Variants in OSBPL1A observed in about 807,000 individuals in gnomAD.
The protein encoded by OSBPL1A is oxysterol-binding protein-related protein 1.
A neutral mutation model predicts 137.1 loss-of-function variants in OSBPL1A; 80 were observed. That is an observed-to-expected ratio of 0.58 (90% CI 0.49 to 0.70). The LOEUF (loss-of-function observed/expected upper bound fraction) is 0.70, where lower values mean the gene tolerates loss of function less well. Among genes scored for constraint, OSBPL1A ranks in the 30% least tolerant of loss-of-function variants. The pLI is 0.00. For synonymous variants in OSBPL1A, 365 were observed against 389.7 expected (o/e 0.94, Z 0.75); for missense variants, 970 against 1,129.4 (o/e 0.86, Z 2.02).
chr18:24,324,785 T>TAAAA (rs1426860005), intron 7 of OSBPL1A, among the ~76,000 whole-genome samples: 2 of 95,084 alleles, frequency 2.1e-5, no homozygotes, highest in African/African-American at 4.0e-5. Flanking sequence ...CTCTGTCTAT[T>TAAAA]AAAAAAAAAA....
intron 4 of OSBPL1A, among the ~76,000 whole-genome samples, chr18:24,361,809 C>T (rs532803992): frequency 6.6e-6 from 1 of 152,172 alleles, no homozygotes; most frequent in African/African-American, 2.4e-5. Context: ...TTGAGACCAG[C>T]CTGGCCAACC....
At chr18:24,358,757 T>G (rs890196599) in intron 4 of OSBPL1A, among the ~76,000 whole-genome samples, 1 of 152,192 alleles carries the variant, frequency 6.6e-6, no homozygotes, top group Non-Finnish European at 1.5e-5. Context: ...TTTACTATTT[T>G]AGAGACAGGG....
intron 7 of OSBPL1A, among the ~76,000 whole-genome samples, chr18:24,327,652 G>A (rs907827053): frequency 2.0e-5 from 3 of 151,750 alleles, no homozygotes; most frequent in Admixed American, 2.0e-4. Flanking sequence ...CAAATTATCC[G>A]CCTGCCTCAG....
intron 17 of OSBPL1A, among the ~76,000 whole-genome samples, chr18:24,218,980 G>A (rs1178903546): frequency 6.6e-6 from 1 of 151,982 alleles, no homozygotes; most frequent in Non-Finnish European, 1.5e-5. Context: ...AAGATAAAAT[G>A]GTATAGCTTG....
rs183209262 is a variant in OSBPL1A at position 24,330,042 on chromosome 18, A to G, written c.625+2900T>C. ...AATGTAACCTGGCTATGCCAAGCTT[A>G]AGGCACCTTTTTATCCTGAGGCTTT... On this transcript the variant is annotated intron_variant, in intron 7 of 27. Coordinates refer to ENST00000319481, the MANE Select transcript of OSBPL1A (RefSeq NM_080597.4). Among the ~76,000 whole-genome samples, 630 of 152,312 alleles carry G rather than the reference A, an allele frequency of 4.1e-3. 12 individuals carry two copies. The highest frequency in any genetic ancestry group is 0.036 in the Admixed American group (549 of 15,302).
intron 12 of OSBPL1A, among the ~76,000 whole-genome samples, 155 bp downstream of exon 12, chr18:24,314,094 G>C (rs903894554): frequency 2.0e-5 from 3 of 152,164 alleles, no homozygotes; most frequent in African/African-American, 7.2e-5. Context: ...TACAGAGTGA[G>C]ACTCTGTCTC....
At chr18:24,250,913 C>G (rs558717449) in intron 15 of OSBPL1A, among the ~76,000 whole-genome samples, 1 of 152,156 alleles carries the variant, frequency 6.6e-6, no homozygotes, top group Non-Finnish European at 1.5e-5. Context: ...GTAGCATTCA[C>G]CATAAGCTGA....
intron 20 of OSBPL1A, among the ~76,000 whole-genome samples, chr18:24,178,725 T>C (rs902692981): frequency 6.6e-6 from 1 of 152,198 alleles, no homozygotes. Flanking sequence ...CCAGATGAAT[T>C]TGAATGATTT....
chr18:24,244,064 T>C (rs1433299010), intron 15 of OSBPL1A, among the ~76,000 whole-genome samples: 1 of 152,204 alleles, frequency 6.6e-6, no homozygotes, highest in Non-Finnish European at 1.5e-5. Flanking sequence ...AAAATTGGTG[T>C]AGAACTGCTA....
At chr18:24,312,724 A>T (rs2090640886) in intron 12 of OSBPL1A, among the ~76,000 whole-genome samples, 2 of 152,196 alleles carry the variant, frequency 1.3e-5, no homozygotes, top group Admixed American at 1.3e-4. Context: ...CATGAGTTAG[A>T]TTGTTTAGGG....
chr18:24,298,433 A>AC (rs1232363730), intron 14 of OSBPL1A, among the ~76,000 whole-genome samples: 2 of 151,840 alleles, frequency 1.3e-5, no homozygotes, highest in Non-Finnish European at 2.9e-5. Context: ...TGCAACCTCT[A>AC]CCCCCCGGGT....
In OSBPL1A at chr18:24,239,400, T is replaced by G; in HGVS notation, c.1282-18A>C. 6.2e-7 allele frequency: 1 copy of G among 1,608,248 alleles called. No homozygotes were observed. The highest frequency in any genetic ancestry group is 1.1e-5 in the South Asian group (1 of 90,842). The stretch of plus-strand genomic sequence containing the variant: ...TTCCTCACCTAGAAGAAAACAGATA[T>G]ACAGAAAAGACTTCAGAGTGACAGG... On this transcript the variant is annotated intron_variant, in intron 15 of 27. Coordinates refer to ENST00000319481, the MANE Select transcript of OSBPL1A (RefSeq NM_080597.4).
At chr18:24,334,170 A>C in intron 6 of OSBPL1A, 75 bp downstream of exon 6, 1 of 1,213,092 alleles carries the variant, frequency 8.2e-7, no homozygotes, top group Non-Finnish European at 1.2e-6. Flanking sequence ...TATTTACTTA[A>C]CATTAAGTAA....
chr18:24,354,146 T>C (rs1267676956), intron 4 of OSBPL1A, among the ~76,000 whole-genome samples: 3 of 151,362 alleles, frequency 2.0e-5, no homozygotes, highest in Admixed American at 1.3e-4. Context: ...AAAAAAAAAC[T>C]CAAGTTAAAA....
intron 7 of OSBPL1A, among the ~76,000 whole-genome samples, chr18:24,324,914 T>C (rs2090944234): frequency 6.6e-6 from 1 of 151,686 alleles, no homozygotes; most frequent in African/African-American, 2.4e-5. Context: ...GGTGAAACCC[T>C]GTCTCTACTA....
intron 17 of OSBPL1A, among the ~76,000 whole-genome samples, chr18:24,214,143 C>G (rs2087625402): frequency 6.6e-6 from 1 of 152,138 alleles, no homozygotes; most frequent in South Asian, 2.1e-4. Context: ...ACCTTTATCT[C>G]TAAGAATAAC....
chr18:24,258,328 G>C (rs935987277), intron 15 of OSBPL1A, among the ~76,000 whole-genome samples: 8 of 152,272 alleles, frequency 5.3e-5, no homozygotes, highest in African/African-American at 1.9e-4. Flanking sequence ...AACATGGATG[G>C]AACTGGATGT....
At chr18:24,188,282 C>T (rs936389678) in intron 18 of OSBPL1A, among the ~76,000 whole-genome samples, 2 of 152,192 alleles carry the variant, frequency 1.3e-5, no homozygotes. Context: ...ACATCCAGCT[C>T]CGTGGGAAAA....
intron 14 of OSBPL1A, among the ~76,000 whole-genome samples, chr18:24,295,237 C>A (rs982656154): frequency 1.3e-5 from 2 of 152,070 alleles, no homozygotes; most frequent in Non-Finnish European, 2.9e-5. Flanking sequence ...CTATTCATGT[C>A]TTTTGCCCAC....
Sources: gnomAD v4.1 joint callset for allele counts (sites outside exome capture counted in the v4.1 genomes callset) on GRCh38, gnomAD v4.1.1 for gene constraint, MANE v1.5 for transcripts, NCBI Gene and HGNC (gene_info 2026-07-23, HGNC 2026-07-21) for gene names.